SYT1: variants seen among roughly 807,000 people sequenced by gnomAD.
The protein encoded by SYT1 is synaptotagmin-1.
Under a neutral mutation model 44.8 loss-of-function variants are expected in SYT1, and 8 were observed. The ratio of observed to expected loss-of-function variants is 0.18; its 90% CI spans 0.10 to 0.32. SYT1 has a LOEUF of 0.32. Ranked by LOEUF, SYT1 falls within the 10% of genes least tolerant of loss-of-function variation. The pLI, the probability that SYT1 is intolerant of heterozygous loss-of-function variation, is 1.00. For synonymous variants in SYT1, 154 were observed against 188.8 expected (o/e 0.82, Z 1.51); for missense variants, 286 against 509.3 (o/e 0.56, Z 4.22).
chr12:79,023,843 G>T (rs947197748), intron 2 of SYT1, among the ~76,000 whole-genome samples: 19 of 151,030 alleles, frequency 1.3e-4, no homozygotes, highest in African/African-American at 4.6e-4. Context: ...TTTGTTTTCT[G>T]AACTATTCAC....
chr12:79,226,614 G>A (rs1481122651), intron 4 of SYT1, among the ~76,000 whole-genome samples: 1 of 151,966 alleles, frequency 6.6e-6, no homozygotes, highest in Admixed American at 6.5e-5. Context: ...AAAAAGTAAG[G>A]TAACTAAAAC....
intron 1 of SYT1, among the ~76,000 whole-genome samples, chr12:78,976,428 A>G (rs1000251846): frequency 6.6e-6 from 1 of 152,204 alleles, no homozygotes; most frequent in Non-Finnish European, 1.5e-5. Flanking sequence ...CTAAGGACTT[A>G]CGTTTTCCCA....
chr12:79,326,045 C>T (rs781713163), intron 8 of SYT1, among the ~76,000 whole-genome samples: 2 of 152,008 alleles, frequency 1.3e-5, no homozygotes, highest in Admixed American at 6.5e-5. Flanking sequence ...AAGCATGTGC[C>T]GTAAAATAGT....
chr12:78,884,118 C>A (rs554630313), intron 1 of SYT1, among the ~76,000 whole-genome samples: 7 of 151,664 alleles, frequency 4.6e-5, no homozygotes, highest in Non-Finnish European at 8.9e-5. Flanking sequence ...CTTATATTCT[C>A]TAACAGAAAT....
At chr12:79,130,928 T>G (rs1213276315) in intron 3 of SYT1, among the ~76,000 whole-genome samples, 2 of 152,068 alleles carry the variant, frequency 1.3e-5, no homozygotes, top group Non-Finnish European at 2.9e-5. Context: ...ACTATAATAG[T>G]GATATTCAAT....
At chr12:79,312,423 T>C (rs61928797) in intron 8 of SYT1, among the ~76,000 whole-genome samples, 236 of 152,326 alleles carry the variant, frequency 1.5e-3, no homozygotes, top group Non-Finnish European at 3.1e-3. Context: ...ATTTGAAAAA[T>C]GTGATATTTG....
At chr12:79,105,752 C>A (rs564937762) in intron 3 of SYT1, among the ~76,000 whole-genome samples, 4 of 151,866 alleles carry the variant, frequency 2.6e-5, no homozygotes, top group African/African-American at 7.3e-5. Context: ...TGGTGGCGGG[C>A]GCCTGTAGTC....
intron 1 of SYT1, among the ~76,000 whole-genome samples, chr12:78,963,075 T>C (rs1879595559): frequency 6.6e-6 from 1 of 152,180 alleles, no homozygotes; most frequent in African/African-American, 2.4e-5. Flanking sequence ...CTTCTGTGAC[T>C]GTCTTATTTC....
At chr12:79,118,961 C>T (rs1055526789) in intron 3 of SYT1, among the ~76,000 whole-genome samples, 1 of 152,224 alleles carries the variant, frequency 6.6e-6, no homozygotes, top group African/African-American at 2.4e-5. Flanking sequence ...TGTCCCTAGA[C>T]ATATAATCCT....
chr12:79,185,475 A>G (rs1872751017), intron 3 of SYT1, among the ~76,000 whole-genome samples: 1 of 152,010 alleles, frequency 6.6e-6, no homozygotes, highest in Non-Finnish European at 1.5e-5. Context: ...TCCAGAGTAC[A>G]CAGATAATAA....
chr12:78,960,563 T>G (rs1176900279), intron 1 of SYT1: 3 of 152,216 alleles, frequency 2.0e-5, no homozygotes, highest in African/African-American at 7.2e-5. Flanking sequence ...GCGTGCTTCC[T>G]GCTCTGGGAC....
chr12:79,377,107 TTTTTG>T (rs1434202783), intron 9 of SYT1, among the ~76,000 whole-genome samples: 2 of 56,464 alleles, frequency 3.5e-5, no homozygotes, highest in Non-Finnish European at 5.5e-5. Flanking sequence ...ATTTTTTGTT[TTTTTG>T]TTTTGTTTTG....
intron 1 of SYT1, among the ~76,000 whole-genome samples, chr12:78,973,916 CAAAAAAAAAAAAAAA>C (rs1162433648): frequency 0.011 from 100 of 9,064 alleles, 2 homozygotes; most frequent in African/African-American, 0.042. Context: ...AGACGAACAC[CAAAAAAAAAAAAAAA>C]AAAAAAAATA....
At chr12:79,118,797 TG>T (rs1158071834) in intron 3 of SYT1, among the ~76,000 whole-genome samples, 1 of 152,210 alleles carries the variant, frequency 6.6e-6, no homozygotes, top group Admixed American at 6.5e-5. Flanking sequence ...TAATTTTCTA[TG>T]GTACATAATT....
chr12:79,128,463 A>G (rs944589762), intron 3 of SYT1, among the ~76,000 whole-genome samples: 1 of 152,220 alleles, frequency 6.6e-6, no homozygotes, highest in East Asian at 1.9e-4. Context: ...GTAGATAGAA[A>G]GAACAAATCT....
chr12:79,268,286 A>T (rs914051009), intron 4 of SYT1, among the ~76,000 whole-genome samples: 4 of 152,204 alleles, frequency 2.6e-5, no homozygotes, highest in East Asian at 1.9e-4. Context: ...AAGGATTTTT[A>T]AAAAATCATC....
chr12:79,363,398 C>T (rs1436308955), intron 9 of SYT1, among the ~76,000 whole-genome samples: 1 of 151,818 alleles, frequency 6.6e-6, no homozygotes, highest in Non-Finnish European at 1.5e-5. Context: ...TAATAATGCT[C>T]AGAAATGGAA....
chr12:79,288,128 G>C (rs1879402082), intron 5 of SYT1, among the ~76,000 whole-genome samples: 2 of 152,022 alleles, frequency 1.3e-5, no homozygotes, highest in Non-Finnish European at 2.9e-5. Context: ...TTTTGAAGCA[G>C]ACAAAAGTAG....
chr12:78,918,132 G>T (rs1433515136), intron 1 of SYT1, among the ~76,000 whole-genome samples: 1 of 152,036 alleles, frequency 6.6e-6, no homozygotes, highest in Non-Finnish European at 1.5e-5. Context: ...AACTTTTTCA[G>T]ACGCTATGCT....
Sources: gnomAD v4.1 joint callset for allele counts (sites outside exome capture counted in the v4.1 genomes callset) on GRCh38, gnomAD v4.1.1 for gene constraint, MANE v1.5 for transcripts, NCBI Gene and HGNC (gene_info 2026-07-23, HGNC 2026-07-21) for gene names.